Variants in PRAG1 observed in about 807,000 individuals in gnomAD.
PRAG1 encodes the protein inactive tyrosine-protein kinase PRAG1.
In PRAG1, 110 loss-of-function variants were observed where a neutral mutation model predicts 95.6. That is an observed-to-expected ratio of 1.15 (90% CI 0.99 to 1.35). The LOEUF is 1.35. Among genes scored for constraint, PRAG1 ranks in the 40% most tolerant of loss-of-function variants. PRAG1 has a pLI of 0.00. For synonymous variants in PRAG1, 1,052 were observed against 819.4 expected (o/e 1.28, Z -4.85); for missense variants, 2,554 against 1,864.7 (o/e 1.37, Z -6.81).
At chr8:8,342,239 G>C (rs1243350947) in intron 3 of PRAG1, among the ~76,000 whole-genome samples, 1 of 149,670 alleles carries the variant, frequency 6.7e-6, no homozygotes, top group Non-Finnish European at 1.5e-5. Flanking sequence ...TGTTGCCCAG[G>C]CTGGAGTGCA....
Position 8,377,067 on chromosome 8 carries a change from CT to C in PRAG1, c.1341del (p.Gly448ValfsTer43). 1 of 1,613,968 alleles carries C rather than the reference CT, an allele frequency of 6.2e-7. No individual in the cohort carries two copies. Among genetic ancestry groups the C allele is most frequent in the Non-Finnish European group, 8.5e-7 (1 of 1,180,036 alleles). ...AAAQGQGQVC[T>X]GNAWAQKAAS... ...GCTGCTTTCTGGGCCCAGGCATTAC[CT>C]GTGCATACCTGGCCTTGGCCCTGGG... On this transcript the variant is annotated frameshift_variant, in exon 3 of 6. Coordinates refer to ENST00000615670, the MANE Select transcript of PRAG1 (RefSeq NM_001080826.3). LOFTEE classifies it high-confidence loss of function.
rs1798379071 is a variant in PRAG1, at chr8:8,318,909, A to C, written c.3466T>G (p.Cys1156Gly). The stretch of plus-strand genomic sequence containing the variant: ...GGCCCGGGGCCGGCCTGGAGGGTGC[A>C]GTGCACCAGCAGCAGGTTCTCCAGG... ...LCLENLLLVH[C>G]TLQAGPGPAP... The change falls in exon 6 of 6, where the codon TGC becomes GGC. Residue 1156 changes from cysteine (C) to glycine (G), a missense_variant. Physicochemically the swap from Cys to Gly is radical, Grantham distance 159. Coordinates refer to ENST00000615670, the MANE Select transcript of PRAG1 (RefSeq NM_001080826.3). The surrounding 1 kb of genome is among the most constrained non-coding windows in gnomAD (Gnocchi z 4.2). 1 of 1,604,396 alleles carries C rather than the reference A, an allele frequency of 6.2e-7. No homozygotes were observed. Among genetic ancestry groups the C allele is most frequent in the Non-Finnish European group, 8.5e-7 (1 of 1,175,862 alleles).
At chr8:8,328,716 G>A (rs756991216) in intron 4 of PRAG1, among the ~76,000 whole-genome samples, 1 of 152,154 alleles carries the variant, frequency 6.6e-6, no homozygotes. Flanking sequence ...GGAAACCACT[G>A]TCAGTAGTGT....
chr8:8,359,373 G>A (rs1404510576), intron 3 of PRAG1, among the ~76,000 whole-genome samples: 1 of 152,196 alleles, frequency 6.6e-6, no homozygotes, highest in African/African-American at 2.4e-5. Context: ...CACCCAAGAA[G>A]AAGGAGTATG....
chr8:8,339,635 C>A lies in PRAG1; in HGVS notation c.2163G>T (p.Arg721=). The change falls in exon 4 of 6, where the codon CGG becomes CGT. Residue 721 remains arginine, a splice_region_variant and synonymous_variant. Coordinates refer to ENST00000615670, the MANE Select transcript of PRAG1 (RefSeq NM_001080826.3). ...FSPPPPPPKS[R]HLLKMNKSSS... is the part of the protein sequence containing the mutation. ...TGCTCTTGTTCATTTTTAGAAGGTG[C>A]CTGGAAAAGGTAGGAACAAACAATA... 5 of 1,610,482 alleles carry A rather than the reference C, an allele frequency of 3.1e-6. No individual in the cohort carries two copies. Among genetic ancestry groups the A allele is most frequent in the Non-Finnish European group, 4.2e-6 (5 of 1,177,120 alleles).
intron 3 of PRAG1, among the ~76,000 whole-genome samples, chr8:8,347,236 G>T (rs1032452756): frequency 1.3e-5 from 2 of 152,198 alleles, no homozygotes; most frequent in African/African-American, 4.8e-5. Flanking sequence ...AGTGACTTCA[G>T]GTTCCCAAGG....
chr8:8,381,405 TAGTC>T lies in PRAG1; in HGVS notation c.330+9_330+12del, dbSNP rs751226579. ...GCCCCTGTAAAAATACCACGAGTGT[TAGTC>T]AGCCTCACCTGCGAGACTTCGGCAC... On this transcript the variant is annotated intron_variant, in intron 2 of 5. Transcript: ENST00000615670. 6.3e-6 allele frequency: 10 copies of T among 1,595,254 alleles called. No individual in the cohort carries two copies. Among genetic ancestry groups the T allele is most frequent in the East Asian group, 2.3e-5 (1 of 44,442 alleles).
chr8:8,325,478 G>C (rs1003959379), intron 5 of PRAG1, among the ~76,000 whole-genome samples: 2 of 152,142 alleles, frequency 1.3e-5, no homozygotes, highest in Non-Finnish European at 2.9e-5. Flanking sequence ...AATGAAATAA[G>C]GAGCAACACT....
intron 5 of PRAG1, among the ~76,000 whole-genome samples, chr8:8,324,256 G>T (rs965356533): frequency 1.3e-4 from 20 of 152,184 alleles, no homozygotes; most frequent in African/African-American, 4.6e-4. Context: ...TTTCTCAGGG[G>T]TATGAAAAGC....
At chr8:8,357,834 G>A (rs1176413940) in intron 3 of PRAG1, among the ~76,000 whole-genome samples, 1 of 152,200 alleles carries the variant, frequency 6.6e-6, no homozygotes, top group East Asian at 1.9e-4. Flanking sequence ...ATGGTTCTGT[G>A]AATGTATGGG....
At chr8:8,342,297 A>G (rs993198307) in intron 3 of PRAG1, among the ~76,000 whole-genome samples, 1 of 148,198 alleles carries the variant, frequency 6.7e-6, no homozygotes, top group Admixed American at 6.8e-5. Context: ...GGTTCACGCC[A>G]TTCTCCTGCC....
At chr8:8,352,386 C>A (rs1799551801) in intron 3 of PRAG1, among the ~76,000 whole-genome samples, 1 of 152,236 alleles carries the variant, frequency 6.6e-6, no homozygotes, top group Non-Finnish European at 1.5e-5. Context: ...CCAGGCAGCC[C>A]AGTGCTTCTC....
intron 3 of PRAG1, among the ~76,000 whole-genome samples, chr8:8,342,697 C>A (rs1187964328): frequency 6.6e-6 from 1 of 152,082 alleles, no homozygotes; most frequent in African/African-American, 2.4e-5. Context: ...ATGGTACTTA[C>A]ACCAGCTATT....
intron 3 of PRAG1, among the ~76,000 whole-genome samples, chr8:8,340,710 G>A (rs779098738): frequency 3.9e-5 from 6 of 152,168 alleles, no homozygotes; most frequent in Non-Finnish European, 8.8e-5. Flanking sequence ...TCATAGTCAC[G>A]GGAATCCCCT....
chr8:8,369,345 C>T (rs1157280719), intron 3 of PRAG1, among the ~76,000 whole-genome samples: 1 of 152,122 alleles, frequency 6.6e-6, no homozygotes, highest in Non-Finnish European at 1.5e-5. Flanking sequence ...GAGATGCAAA[C>T]GTGGACCCAT....
At position 8,328,311 on chromosome 8, in the gene PRAG1, G is replaced by GCC; in HGVS notation, c.2469_2470dup (p.Ala824GlyfsTer25). 6.2e-7 allele frequency: 1 copy of GCC among 1,613,802 alleles called. No individual in the cohort carries two copies. The highest frequency in any genetic ancestry group is 8.5e-7 in the Non-Finnish European group (1 of 1,179,878). On this transcript the variant is annotated frameshift_variant, in exon 5 of 6. Transcript: ENST00000615670. LOFTEE classifies it high-confidence loss of function. ...GAAGAAGCCATCCGGTGAAGAGGCT[G>GCC]CCCGGCTCACTATCTTTTTCTGGGG...
chr8:8,339,545 G>C lies in PRAG1; in HGVS notation c.2253C>G (p.Val751=). The change falls in exon 4 of 6, where the codon GTC becomes GTG. Residue 751 remains valine (V), a synonymous_variant. Transcript: ENST00000615670. ...AESLSPSFRG[V]HVSFTTGSTD... is the part of the protein sequence containing the mutation. ...TGGAGCCGGTGGTGAAGCTGACGTG[G>C]ACACCCCTGAAGGATGGGCTGAGGC... 1.2e-6 allele frequency: 2 copies of C among 1,614,162 alleles called. No homozygotes were observed. The highest frequency in any genetic ancestry group is 1.7e-6 in the Non-Finnish European group (2 of 1,180,030).
At chr8:8,381,974 T>C in intron 1 of PRAG1, 140 bp from the exon 2 acceptor site, 1 of 476,428 alleles carries the variant, frequency 2.1e-6, no homozygotes, top group Non-Finnish European at 3.7e-6. Flanking sequence ...TTTGGGACCC[T>C]CGCCCATTTG....
chr8:8,323,087 T>A (rs1221042915), intron 5 of PRAG1, among the ~76,000 whole-genome samples: 1 of 152,104 alleles, frequency 6.6e-6, no homozygotes, highest in African/African-American at 2.4e-5. Context: ...CTGCAAAAAA[T>A]GACCCTGGCT....
Sources: gnomAD v4.1 joint callset for allele counts (sites outside exome capture counted in the v4.1 genomes callset) on GRCh38, gnomAD v4.1.1 for gene constraint, Gnocchi (gnomAD v3.1) non-coding constraint, MANE v1.5 for transcripts, NCBI Gene and HGNC (gene_info 2026-07-23, HGNC 2026-07-21) for gene names.